IL21R: variants seen among roughly 807,000 people sequenced by gnomAD.
The protein encoded by IL21R is interleukin 21 receptor, also known as interleukin-21 receptor.
A neutral mutation model predicts 41.3 loss-of-function variants in IL21R; 14 were observed. The observed-to-expected ratio is 0.34, with a 90% CI of 0.22 to 0.53. IL21R has a LOEUF of 0.53. Among genes scored for constraint, IL21R ranks in the 20% least tolerant of loss-of-function variants. The pLI is 0.94. For missense variants in IL21R, 588 were observed against 681.6 expected (o/e 0.86, Z 1.53); for synonymous variants, 286 against 287.6 (o/e 0.99, Z 0.05).
chr16:27,423,652 TC>T (rs1052142563), intron 1 of IL21R, among the ~76,000 whole-genome samples: 1 of 152,226 alleles, frequency 6.6e-6, no homozygotes, highest in African/African-American at 2.4e-5. Context: ...CTTTTTTCAC[TC>T]CAAATTTTGT....
chr16:27,416,662 A>G (rs2086896863), intron 1 of IL21R, among the ~76,000 whole-genome samples: 1 of 152,236 alleles, frequency 6.6e-6, no homozygotes, highest in Non-Finnish European at 1.5e-5. Flanking sequence ...CACAAAACTG[A>G]AAATGTACTC....
intron 1 of IL21R, among the ~76,000 whole-genome samples, chr16:27,422,450 T>A (rs971002705): frequency 3.3e-5 from 5 of 151,500 alleles, no homozygotes; most frequent in Non-Finnish European, 5.9e-5. Context: ...TATGTCTCTT[T>A]TGCTCTTTTC....
At chr16:27,419,631 T>A (rs1445860419) in intron 1 of IL21R, among the ~76,000 whole-genome samples, 1 of 152,186 alleles carries the variant, frequency 6.6e-6, no homozygotes, top group Non-Finnish European at 1.5e-5. Context: ...TTTCACCATG[T>A]TGGCCAGGCT....
chr16:27,417,615 C>A (rs1413151064), intron 1 of IL21R, among the ~76,000 whole-genome samples: 1 of 151,620 alleles, frequency 6.6e-6, no homozygotes, highest in African/African-American at 2.4e-5. Flanking sequence ...TTACACAAAC[C>A]TAGGTGGTAT....
At chr16:27,427,982 T>A (rs2141280841) in intron 1 of IL21R, among the ~76,000 whole-genome samples, 1 of 152,312 alleles carries the variant, frequency 6.6e-6, no homozygotes, top group Non-Finnish European at 1.5e-5. Context: ...AGAAAATATA[T>A]TAAAATATGT....
intron 5 of IL21R, 62 bp downstream of exon 5, chr16:27,443,178 G>A (rs747391598): frequency 2.9e-5 from 43 of 1,468,368 alleles, no homozygotes; most frequent in Non-Finnish European, 3.7e-5. Flanking sequence ...GGAGTGCAAA[G>A]GCATCTGGGT....
intron 1 of IL21R, among the ~76,000 whole-genome samples, chr16:27,428,544 T>A (rs951531087): frequency 6.6e-6 from 1 of 152,270 alleles, no homozygotes; most frequent in Non-Finnish European, 1.5e-5. Context: ...TGGGAGGGGC[T>A]CCTGAGTCTG....
rs3093402 is a variant in IL21R at position 27,438,956 on chromosome 16, A to G, written c.352+1269A>G. Among the ~76,000 whole-genome samples the G allele has an allele frequency of 3.6e-3, 496 of 139,606 alleles. 3 individuals are homozygous for G. The highest frequency in any genetic ancestry group is 0.015 in the Middle Eastern group (4 of 266). The allele number at this position is 139,606 out of a possible 152,430, so 91.6% of individuals were successfully genotyped here. On this transcript the variant is annotated intron_variant, in intron 4 of 8. Transcript: ENST00000337929. Reference sequence around the variant, plus strand: ...TGTGTGTGTGTGTGTGTGTGTGTGTATGTGTGTACCCAAAGCGGCCCCAGA... The same window carrying G: ...TGTGTGTGTGTGTGTGTGTGTGTGTGTGTGTGTACCCAAAGCGGCCCCAGA...
At chr16:27,410,709 T>A (rs1015060987) in intron 1 of IL21R, among the ~76,000 whole-genome samples, 1 of 152,218 alleles carries the variant, frequency 6.6e-6, no homozygotes, top group Non-Finnish European at 1.5e-5. Context: ...TTAACAATTT[T>A]TAGATGTGCA....
At chr16:27,443,232 A>G in intron 5 of IL21R, 116 bp downstream of exon 5, 1 of 935,980 alleles carries the variant, frequency 1.1e-6, no homozygotes, top group Non-Finnish European at 1.5e-6. Context: ...AAGAACAGAG[A>G]CCAAGGGCAC....
At chr16:27,444,763 T>G (rs931318357) in intron 6 of IL21R, 44 bp downstream of exon 6, 1 of 1,458,234 alleles carries the variant, frequency 6.9e-7, no homozygotes, top group Non-Finnish European at 9.1e-7. Context: ...TGGTATCAAA[T>G]TTTGTCCTGT....
At chr16:27,423,439 C>T (rs1176736607) in intron 1 of IL21R, among the ~76,000 whole-genome samples, 1 of 152,166 alleles carries the variant, frequency 6.6e-6, no homozygotes, top group Non-Finnish European at 1.5e-5. Flanking sequence ...CCAAGCTTTA[C>T]CAAACTGTTG....
intron 1 of IL21R, among the ~76,000 whole-genome samples, chr16:27,405,725 C>A (rs576505169): frequency 1.3e-5 from 2 of 152,158 alleles, no homozygotes; most frequent in Non-Finnish European, 2.9e-5. Flanking sequence ...GGTGCCACCG[C>A]CCCCACTCCC....
intron 1 of IL21R, among the ~76,000 whole-genome samples, chr16:27,429,348 C>T (rs937177283): frequency 6.6e-6 from 1 of 152,204 alleles, no homozygotes; most frequent in South Asian, 2.1e-4. Context: ...CTCCTTTTCT[C>T]TCTCCCTTCC....
chr16:27,451,713 T>C lies in IL21R; in HGVS notation c.*2430T>C. Reference sequence around the variant, plus strand: ...CAGCCTGGGTCACAGATCAAGACCCTGTCTCTTAAAAATAAAAGTTGGAGA... The same window carrying C: ...CAGCCTGGGTCACAGATCAAGACCCCGTCTCTTAAAAATAAAAGTTGGAGA... On this transcript the variant is annotated 3_prime_UTR_variant, in exon 9 of 9. Transcript: ENST00000337929. 1 of 227,640 alleles carries C rather than the reference T, an allele frequency of 4.4e-6. No individual in the cohort carries two copies. Among genetic ancestry groups the C allele is most frequent in the Non-Finnish European group, 8.7e-6 (1 of 114,460 alleles). The allele number at this position is 227,640 out of a possible 1,614,324, so 14.1% of individuals were successfully genotyped here. A position where few individuals can be genotyped will look rare whatever the true frequency, so the allele number is the denominator to read the frequency against.
chr16:27,448,168 A>G (rs1167507336), intron 8 of IL21R: 1 of 201,750 alleles, frequency 5.0e-6, no homozygotes, highest in Non-Finnish European at 1.0e-5. Flanking sequence ...TTAAACCCTC[A>G]CCTTGGCTGG....
At chr16:27,433,062 T>A (rs1441972245) in intron 2 of IL21R, among the ~76,000 whole-genome samples, 2 of 152,126 alleles carry the variant, frequency 1.3e-5, no homozygotes, top group Non-Finnish European at 2.9e-5. Context: ...GCTCCGCATA[T>A]AGGTTCTGTC....
In IL21R at chr16:27,431,507, G is replaced by A. The variant is rs562326177; in HGVS notation, c.49+1387G>A. Among the ~76,000 whole-genome samples, 3 of 152,312 alleles carry A rather than the reference G, an allele frequency of 2.0e-5. No individual in the cohort carries two copies. In the South Asian group the frequency reaches 6.2e-4, roughly 32 times the overall value. ...TGGGATCAGTTTGCTCTTGGGGTCT[G>A]TCTTAGTCTGTCTGTGCTGCTGTAA... is the stretch of plus-strand genomic sequence containing the variant. On this transcript the variant is annotated intron_variant, in intron 2 of 8. Coordinates refer to ENST00000337929, the MANE Select transcript of IL21R (RefSeq NM_181078.3).
At chr16:27,440,284 GCA>G (rs1360277589) in intron 4 of IL21R, among the ~76,000 whole-genome samples, 4,871 of 126,630 alleles carry the variant, frequency 0.038, 205 homozygotes, top group African/African-American at 0.061. Flanking sequence ...GAGAGAGCGA[GCA>G]AGCGCGCGCC....
Sources: gnomAD v4.1 joint callset for allele counts (sites outside exome capture counted in the v4.1 genomes callset) on GRCh38, gnomAD v4.1.1 for gene constraint, MANE v1.5 for transcripts, NCBI Gene and HGNC (gene_info 2026-07-23, HGNC 2026-07-21) for gene names.